CACNA1S: variants seen among roughly 807,000 people sequenced by gnomAD.
CACNA1S encodes calcium voltage-gated channel subunit alpha1 S.
In CACNA1S, 126 loss-of-function variants were observed where a neutral mutation model predicts 207.4. The observed-to-expected ratio is 0.61, with a 90% CI of 0.53 to 0.70. The LOEUF (loss-of-function observed/expected upper bound fraction) is 0.70, where lower values mean the gene tolerates loss of function less well. Ranked by LOEUF, CACNA1S falls within the 30% of genes least tolerant of loss-of-function variation. The pLI, the probability that CACNA1S is intolerant of heterozygous loss-of-function variation, is 0.00. For missense variants in CACNA1S, 2,349 were observed against 2,422.8 expected, an observed-to-expected ratio of 0.97 and a Z score of 0.64; for synonymous variants, 960 against 932.7, an observed-to-expected ratio of 1.03 and a Z score of -0.53.
chr1:201,066,748 C>A lies in CACNA1S; in HGVS notation c.2657+139G>T, dbSNP rs1047380355. 1.3e-5 allele frequency: 9 copies of A among 704,340 alleles called. No homozygotes were observed. Among genetic ancestry groups the A allele is most frequent in the Non-Finnish European group, 2.1e-5 (8 of 386,708 alleles). The allele number at this position is 704,340 out of a possible 1,614,324, so 43.6% of individuals were successfully genotyped here. A position where few individuals can be genotyped will look rare whatever the true frequency, so the allele number is the denominator to read the frequency against. ...TCCAGCTGGTGACAACCCACAGGAC[C>A]CCCTGCCTCCATCGGAGGCCCCGAG... On this transcript the variant is annotated intron_variant, in intron 20 of 43. Transcript: ENST00000362061. The surrounding 1 kb of genome is among the most constrained non-coding windows in gnomAD (Gnocchi z 4.3).
chr1:201,076,556 G>A (rs1194549175), intron 12 of CACNA1S, among the ~76,000 whole-genome samples: 1 of 152,228 alleles, frequency 6.6e-6, no homozygotes, highest in African/African-American at 2.4e-5. Context: ...CAGCCTTCGG[G>A]AGAAAAAGCT....
chr1:201,050,574 G>T, intron 33 of CACNA1S, 58 bp from the exon 34 acceptor site: 1 of 1,609,388 alleles, frequency 6.2e-7, no homozygotes. Context: ...CAGGGTTAGG[G>T]TGGGGGAGCT....
intron 2 of CACNA1S, among the ~76,000 whole-genome samples, chr1:201,108,405 G>T (rs1486709800): frequency 6.6e-6 from 1 of 152,058 alleles, no homozygotes; most frequent in African/African-American, 2.4e-5. Flanking sequence ...ATCCAGCAGA[G>T]GTAAAATTTA....
chr1:201,096,672 C>T (rs571301697), intron 2 of CACNA1S, among the ~76,000 whole-genome samples: 1 of 152,224 alleles, frequency 6.6e-6, no homozygotes, highest in Non-Finnish European at 1.5e-5. Flanking sequence ...CCTCAGTTTC[C>T]TCATTTGTAA....
intron 10 of CACNA1S, among the ~76,000 whole-genome samples, chr1:201,081,373 T>G (rs1016781293): frequency 2.0e-5 from 3 of 152,258 alleles, no homozygotes; most frequent in African/African-American, 7.2e-5. Context: ...GTTACTTGTT[T>G]GTAGTGGGGA....
chr1:201,060,759 T>G lies in CACNA1S; in HGVS notation c.3313A>C (p.Asn1105His). ...TACCACACCTGGTACTGGTATGGGT[T>G]TTTGGGAATGTAGCACCTCAGTGGG... The part of the protein sequence containing the change: ...ARPLRCYIPK[N>H]PYQYQVWYIV... Residue 1105 changes from asparagine (N) to histidine (H), a missense_variant, in exon 26 of 44, where the codon AAC becomes CAC. Transcript: ENST00000362061. The G allele has an allele frequency of 6.2e-7, 1 of 1,614,104 alleles. No individual in the cohort carries two copies. The highest frequency in any genetic ancestry group is 8.5e-7 in the Non-Finnish European group (1 of 1,180,024).
rs1181530223 is a variant in CACNA1S at position 201,043,429 on chromosome 1, C to T, written c.4900G>A (p.Glu1634Lys). 6.2e-7 allele frequency: 1 copy of T among 1,614,172 alleles called. No individual in the cohort carries two copies. The change falls in exon 40 of 44, where the codon GAG (glutamate) becomes AAG (lysine). Residue 1634 changes from glutamate (E) to lysine (K), a missense_variant. Glu to Lys is a moderately conservative substitution (Grantham distance 56, BLOSUM62 1). Coordinates refer to ENST00000362061, the MANE Select transcript of CACNA1S (RefSeq NM_000069.3). The stretch of plus-strand genomic sequence containing the variant: ...ACAGGTGACTCCATCTCTTCCATCT[C>T]TATCTCAGCAAACTGGAGGGGTCTC... ...NQRPLQFAEI[E>K]MEEMESPVFL...
intron 22 of CACNA1S, 53 bp downstream of exon 22, chr1:201,065,785 G>A (rs1319864573): frequency 1.3e-5 from 16 of 1,206,060 alleles, no homozygotes; most frequent in Non-Finnish European, 2.0e-5. Flanking sequence ...CTTGAGAGTG[G>A]GCACCAGGGC....
chr1:201,074,184 A>G (rs922486151), intron 14 of CACNA1S, among the ~76,000 whole-genome samples: 5 of 152,214 alleles, frequency 3.3e-5, no homozygotes, highest in Non-Finnish European at 5.9e-5. Flanking sequence ...GCCCAGAGGC[A>G]TAGCGACTCA....
intron 10 of CACNA1S, among the ~76,000 whole-genome samples, chr1:201,082,800 G>A (rs749884992): frequency 1.2e-4 from 19 of 152,136 alleles, no homozygotes; most frequent in Non-Finnish European, 2.6e-4. Flanking sequence ...ATTTGAACTT[G>A]GGTGCTTAGA....
At chr1:201,047,022 T>C in intron 38 of CACNA1S, 93 bp downstream of exon 38, 1 of 1,525,428 alleles carries the variant, frequency 6.6e-7, no homozygotes, top group Non-Finnish European at 9.1e-7. Flanking sequence ...TATGTCTCCA[T>C]CATTGGCCCC....
chr1:201,085,389 G>A, intron 8 of CACNA1S, 47 bp downstream of exon 8: 2 of 1,612,472 alleles, frequency 1.2e-6, no homozygotes, highest in South Asian at 1.1e-5. Context: ...TCAGAGGTGG[G>A]AGTGAGAGAG....
chr1:201,043,036 G>T, intron 40 of CACNA1S: 1 of 489,646 alleles, frequency 2.0e-6, no homozygotes. Flanking sequence ...TGAAGCCGAC[G>T]GAATAAAAGA....
chr1:201,070,160 A>G, intron 17 of CACNA1S, 112 bp downstream of exon 17: 1 of 1,162,446 alleles, frequency 8.6e-7, no homozygotes, highest in Admixed American at 1.8e-5. Flanking sequence ...TAAAACACTG[A>G]GTTTCTCATA....
intron 1 of CACNA1S, 147 bp from the exon 2 acceptor site, chr1:201,110,416 C>G: frequency 1.4e-6 from 1 of 733,404 alleles, no homozygotes; most frequent in Non-Finnish European, 2.4e-6. Flanking sequence ...CTGCTCCTTC[C>G]CTGAGCCCCT....
rs760082356 is a variant in CACNA1S, at chr1:201,083,323, C to A, written c.1233-1G>T. ...GCGGTTCCACTGCCTCCAATGTCGG[C>A]TGAGGGAGGGGACAGAGGATGGTCT... On this transcript the variant is annotated splice_acceptor_variant, in intron 9 of 43. Transcript: ENST00000362061. LOFTEE classifies it high-confidence loss of function. The A allele has an allele frequency of 6.2e-7, 1 of 1,614,036 alleles. No homozygotes were observed. The highest frequency in any genetic ancestry group is 2.2e-5 in the East Asian group (1 of 44,900).
At chr1:201,074,457 T>TGG in intron 14 of CACNA1S, 49 bp downstream of exon 14, 1 of 1,193,470 alleles carries the variant, frequency 8.4e-7, no homozygotes, top group East Asian at 2.4e-5. Flanking sequence ...TGGAAGGCCA[T>TGG]GGCCACGACT....
At chr1:201,068,733 G>A (rs986257820) in intron 19 of CACNA1S, among the ~76,000 whole-genome samples, 5 of 151,924 alleles carry the variant, frequency 3.3e-5, no homozygotes, top group South Asian at 2.1e-4. Context: ...TTAGCTGGGT[G>A]TGGTGGCAGA....
intron 2 of CACNA1S, among the ~76,000 whole-genome samples, chr1:201,097,841 T>C (rs1231711600): frequency 6.6e-6 from 1 of 152,184 alleles, no homozygotes; most frequent in Admixed American, 6.5e-5. Context: ...TGCCCTTCCC[T>C]TAGTGACATA....
Sources: gnomAD v4.1 joint callset for allele counts (sites outside exome capture counted in the v4.1 genomes callset) on GRCh38, gnomAD v4.1.1 for gene constraint, Gnocchi (gnomAD v3.1) non-coding constraint, MANE v1.5 for transcripts, NCBI Gene and HGNC (gene_info 2026-07-23, HGNC 2026-07-21) for gene names.